The following CGRRF1 variants were observed in gnomAD, a reference collection of about 807,000 sequenced individuals.
CGRRF1 encodes the protein cell growth regulator with ring finger domain 1, also known as cell growth regulator with RING finger domain protein 1.
In CGRRF1, 32 loss-of-function variants were observed where a neutral mutation model predicts 37.2. The ratio of observed to expected loss-of-function variants is 0.86; its 90% CI spans 0.65 to 1.16. CGRRF1 has a LOEUF of 1.16. CGRRF1 is among the 50% of genes most tolerant of loss of function. CGRRF1 has a pLI of 0.00. For missense variants in CGRRF1, 391 were observed against 382.6 expected (o/e 1.02, Z -0.18); for synonymous variants, 141 against 140.3 (o/e 1.00, Z -0.04).
chr14:54,537,508 C>A, intron 4 of CGRRF1: 1 of 364,166 alleles, frequency 2.7e-6, no homozygotes, highest in South Asian at 1.2e-4. Context: ...ATAACTCTGC[C>A]AAAAATATGT....
chr14:54,525,969 G>T (rs912948072), intron 2 of CGRRF1, among the ~76,000 whole-genome samples: 3 of 151,834 alleles, frequency 2.0e-5, no homozygotes, highest in African/African-American at 7.2e-5. Flanking sequence ...GGTGGCACAT[G>T]CCTGTTAGTG....
chr14:54,533,120 C>T (rs1226019203), intron 4 of CGRRF1, among the ~76,000 whole-genome samples: 1 of 151,726 alleles, frequency 6.6e-6, no homozygotes, highest in African/African-American at 2.4e-5. Flanking sequence ...ACTTTCTTCC[C>T]CTGTCCAAAC....
intron 1 of CGRRF1, among the ~76,000 whole-genome samples, chr14:54,519,994 C>T (rs2032288377): frequency 6.6e-6 from 1 of 152,192 alleles, no homozygotes. Flanking sequence ...GTGAGTTGTA[C>T]TCTTCACCTG....
intron 1 of CGRRF1, among the ~76,000 whole-genome samples, chr14:54,510,430 G>C (rs568611452): frequency 6.6e-6 from 1 of 152,320 alleles, no homozygotes; most frequent in Admixed American, 6.5e-5. Flanking sequence ...CCTACTGTGT[G>C]TCCTGGATGA....
At chr14:54,514,474 T>C (rs866219113) in intron 1 of CGRRF1, among the ~76,000 whole-genome samples, 1 of 152,196 alleles carries the variant, frequency 6.6e-6, no homozygotes, top group Non-Finnish European at 1.5e-5. Context: ...GGTTCAGAGG[T>C]ACATGTGAAG....
At chr14:54,529,877 C>CT (rs1032128770) in intron 2 of CGRRF1, among the ~76,000 whole-genome samples, 172 bp from the exon 3 acceptor site, 1 of 152,162 alleles carries the variant, frequency 6.6e-6, no homozygotes, top group African/African-American at 2.4e-5. Flanking sequence ...TTTTATATCT[C>CT]TTGTTACAGA....
intron 2 of CGRRF1, chr14:54,523,054 A>T (rs1302952481): frequency 6.5e-6 from 1 of 153,666 alleles, no homozygotes; most frequent in Non-Finnish European, 1.4e-5. Flanking sequence ...TACAGCCTCC[A>T]CCTCCCGGGT....
At chr14:54,537,887 T>C (rs757331684) in intron 5 of CGRRF1, 58 bp downstream of exon 5, 18 of 1,552,902 alleles carry the variant, frequency 1.2e-5, no homozygotes, top group Admixed American at 2.3e-5. Context: ...TTTCAAAGAA[T>C]GGCCATTTAT....
chr14:54,520,626 C>A (rs1373606172), intron 1 of CGRRF1, among the ~76,000 whole-genome samples: 1 of 152,182 alleles, frequency 6.6e-6, no homozygotes, highest in Non-Finnish European at 1.5e-5. Context: ...GTTGTGCCTG[C>A]TCTAGAATTT....
chr14:54,535,451 CA>C (rs1162237121), intron 4 of CGRRF1, among the ~76,000 whole-genome samples: 1 of 151,652 alleles, frequency 6.6e-6, no homozygotes, highest in Non-Finnish European at 1.5e-5. Context: ...ATGATCAGAT[CA>C]AAGTTTTACA....
intron 1 of CGRRF1, 45 bp downstream of exon 1, chr14:54,510,108 A>C (rs780337351): frequency 6.9e-7 from 1 of 1,450,276 alleles, no homozygotes; most frequent in East Asian, 2.3e-5. Flanking sequence ...ATACCGCCAG[A>C]GTGGGGTCGC....
At chr14:54,519,780 A>G (rs773383496) in intron 1 of CGRRF1, among the ~76,000 whole-genome samples, 1 of 152,166 alleles carries the variant, frequency 6.6e-6, no homozygotes, top group Non-Finnish European at 1.5e-5. Flanking sequence ...TTGGATCCAT[A>G]AAGGTATTTG....
chr14:54,509,919 C>G lies in CGRRF1; in HGVS notation c.-41C>G, dbSNP rs1029062539. 6.1e-6 allele frequency: 9 copies of G among 1,484,478 alleles called. No homozygotes were observed. In the African/African-American group the frequency reaches 1.2e-4, roughly 21 times the overall value. The allele number at this position is 1,484,478 out of a possible 1,614,324, so 92.0% of individuals were successfully genotyped here. On this transcript the variant is annotated 5_prime_UTR_variant, in exon 1 of 6. Transcript: ENST00000216420. ...CGGGGCTCAGCCGGGCTGGGCTGGGCTCCGCGGCTGGAGCCGGGCTCTACC... is the reference window on the plus strand; with the variant it reads ...CGGGGCTCAGCCGGGCTGGGCTGGGGTCCGCGGCTGGAGCCGGGCTCTACC...
At chr14:54,536,212 G>GA (rs1391200910) in intron 4 of CGRRF1, 13 of 150,486 alleles carry the variant, frequency 8.6e-5, no homozygotes, top group Non-Finnish European at 1.8e-4. Flanking sequence ...TTTCATTTCA[G>GA]AAAATCTGGA....
chr14:54,538,467 C>T lies in CGRRF1; in HGVS notation c.*84C>T, dbSNP rs2032637935. On this transcript the variant is annotated 3_prime_UTR_variant, in exon 6 of 6. Coordinates refer to ENST00000216420, the MANE Select transcript of CGRRF1 (RefSeq NM_006568.3). Reference sequence around the variant, plus strand: ...GGAATTCATCATAACATGGAATCTACAGTACTGACCATCAATGAAAATTAT... The same window carrying T: ...GGAATTCATCATAACATGGAATCTATAGTACTGACCATCAATGAAAATTAT... 4 of 872,706 alleles carry T rather than the reference C, an allele frequency of 4.6e-6. No individual in the cohort carries two copies. Among genetic ancestry groups the T allele is most frequent in the Non-Finnish European group, 7.0e-6 (4 of 570,458 alleles). 54.1% of individuals were successfully genotyped at this position (872,706 alleles called of 1,614,324 possible). A position where few individuals can be genotyped will look rare whatever the true frequency, so the allele number is the denominator to read the frequency against.
At chr14:54,537,560 T>G (rs984449018) in intron 4 of CGRRF1, 162 bp from the exon 5 acceptor site, 10 of 652,464 alleles carry the variant, frequency 1.5e-5, no homozygotes, top group African/African-American at 3.8e-5. Flanking sequence ...TTAATCAGAT[T>G]GACGTAAATT....
intron 2 of CGRRF1, among the ~76,000 whole-genome samples, chr14:54,525,612 G>A (rs2032398544): frequency 6.6e-6 from 1 of 152,082 alleles, no homozygotes; most frequent in African/African-American, 2.4e-5. Context: ...TTTAAACTGT[G>A]GAAAAGTGGG....
intron 1 of CGRRF1, among the ~76,000 whole-genome samples, chr14:54,510,692 G>C (rs1397832727): frequency 6.6e-6 from 1 of 152,226 alleles, no homozygotes; most frequent in Non-Finnish European, 1.5e-5. Context: ...GGGTAGGACA[G>C]TTGCCTATTG....
At position 54,538,124 on chromosome 14, in the gene CGRRF1, A is replaced by G. The variant is rs2032629116; in HGVS notation, c.740A>G (p.Lys247Arg). The G allele has an allele frequency of 8.7e-6, 14 of 1,614,010 alleles. No homozygotes were observed. The highest frequency in any genetic ancestry group is 1.3e-5 in the African/African-American group (1 of 74,914). ...TCCAACAATTCCTCTTCAGAAGAAA[A>G]AAACACAGACAGAAGTTTGTTGGAA... is the stretch of plus-strand genomic sequence containing the variant. ...TPSNNSSSEE[K>R]NTDRSLLEKV... Residue 247 changes from lysine to arginine, a missense_variant, in exon 6 of 6, where the codon AAA becomes AGA. By Grantham distance (26) the Lys-to-Arg change is conservative. Transcript: ENST00000216420.
Sources: allele counts gnomAD v4.1 joint callset (sites outside exome capture counted in the v4.1 genomes callset), GRCh38; gene constraint gnomAD v4.1.1; transcripts MANE v1.5; gene names NCBI Gene and HGNC (gene_info 2026-07-23, HGNC 2026-07-21).